SSBP3: variants seen among roughly 807,000 people sequenced by gnomAD.
SSBP3 encodes single stranded DNA binding protein 3.
In SSBP3, 5 loss-of-function variants were observed where a neutral mutation model predicts 69.6. That is an observed-to-expected ratio of 0.07 (90% CI 0.04 to 0.15). SSBP3 has a LOEUF of 0.15. Ranked by LOEUF, SSBP3 falls within the 10% of genes least tolerant of loss-of-function variation. The pLI is 1.00. For missense variants in SSBP3, 312 were observed against 534.0 expected (o/e 0.58, Z 4.10); for synonymous variants, 196 against 193.4 (o/e 1.01, Z -0.11).
At chr1:54,227,435 CCT>C (rs561230415) in intron 17 of SSBP3, among the ~76,000 whole-genome samples, 59 of 152,316 alleles carry the variant, frequency 3.9e-4, no homozygotes, top group South Asian at 3.5e-3. Flanking sequence ...TGCTCCTGCC[CCT>C]GTCTGAGTCA....
intron 5 of SSBP3, among the ~76,000 whole-genome samples, chr1:54,260,229 A>T (rs778777067): frequency 6.6e-6 from 1 of 152,260 alleles, no homozygotes; most frequent in Non-Finnish European, 1.5e-5. Flanking sequence ...GGAAGGTTCA[A>T]GGGTAAGGTC....
rs192929467 is a variant in SSBP3, at chr1:54,243,955, C to T, written c.652-656G>A. On this transcript the variant is annotated intron_variant, in intron 9 of 17. Transcript: ENST00000610401. ...TTTTTTGTTTTGTTTGTTGAGATAGCGTCTTGCTCTGTTGCCTAGGCTAGA... is the reference window on the plus strand; with the variant it reads ...TTTTTTGTTTTGTTTGTTGAGATAGTGTCTTGCTCTGTTGCCTAGGCTAGA... 1.7e-3 allele frequency among the ~76,000 whole-genome samples: 254 copies of T among 152,206 alleles called. 1 individual carries two copies. The highest frequency in any genetic ancestry group is 5.0e-3 in the South Asian group (24 of 4,826).
At chr1:54,340,019 C>G (rs552230921) in intron 4 of SSBP3, among the ~76,000 whole-genome samples, 2 of 151,936 alleles carry the variant, frequency 1.3e-5, no homozygotes, top group Non-Finnish European at 2.9e-5. Flanking sequence ...GGAGCAGGAC[C>G]CCATGCTTCT....
chr1:54,295,760 A>G (rs1350950004), intron 4 of SSBP3, among the ~76,000 whole-genome samples: 1 of 152,166 alleles, frequency 6.6e-6, no homozygotes, highest in Non-Finnish European at 1.5e-5. Context: ...CACAGGGGAC[A>G]CTAGCTGGTC....
chr1:54,369,254 C>T (rs1369693161), intron 4 of SSBP3, among the ~76,000 whole-genome samples: 2 of 114,270 alleles, frequency 1.8e-5, no homozygotes, highest in Non-Finnish European at 3.3e-5. Flanking sequence ...CTGGGAAAGG[C>T]GAGGGTTTGA....
At chr1:54,400,158 G>A (rs538053406) in intron 4 of SSBP3, among the ~76,000 whole-genome samples, 4 of 152,246 alleles carry the variant, frequency 2.6e-5, no homozygotes, top group East Asian at 3.9e-4. Context: ...GATGGAAGAC[G>A]ACACCACAAG....
intron 5 of SSBP3, among the ~76,000 whole-genome samples, chr1:54,265,521 G>A (rs1445324692): frequency 6.6e-6 from 1 of 152,166 alleles, no homozygotes; most frequent in Non-Finnish European, 1.5e-5. Context: ...CGTGGTCCCC[G>A]AGAGCTCACA....
chr1:54,242,117 G>C, intron 11 of SSBP3, 47 bp downstream of exon 11: 1 of 1,607,930 alleles, frequency 6.2e-7, no homozygotes, highest in Non-Finnish European at 8.5e-7. Flanking sequence ...CCTGCACCCA[G>C]AACCGCTCCC....
chr1:54,336,082 A>C (rs1646502447), intron 4 of SSBP3, among the ~76,000 whole-genome samples: 1 of 152,220 alleles, frequency 6.6e-6, no homozygotes, highest in Non-Finnish European at 1.5e-5. Context: ...AAAGAAGGGA[A>C]TAAACAGAAC....
intron 14 of SSBP3, among the ~76,000 whole-genome samples, chr1:54,233,620 C>T (rs1300784540): frequency 9.8e-5 from 14 of 142,450 alleles, no homozygotes; most frequent in South Asian, 4.5e-4. Context: ...CCAGCCGCCC[C>T]GTCCGGGAGG....
chr1:54,341,737 G>A (rs1286257562), intron 4 of SSBP3, among the ~76,000 whole-genome samples: 1 of 151,836 alleles, frequency 6.6e-6, no homozygotes, highest in East Asian at 1.9e-4. Context: ...AGTCCTGGGA[G>A]CCAAGTGGGT....
chr1:54,277,399 T>C (rs1262107534), intron 5 of SSBP3, among the ~76,000 whole-genome samples: 1 of 152,200 alleles, frequency 6.6e-6, no homozygotes, highest in Admixed American at 6.5e-5. Flanking sequence ...TTTTATCTAA[T>C]TCTCTACTCT....
intron 4 of SSBP3, among the ~76,000 whole-genome samples, chr1:54,351,263 TTTC>T (rs1457638752): frequency 6.6e-6 from 1 of 152,206 alleles, no homozygotes; most frequent in African/African-American, 2.4e-5. Context: ...GGTGGGTGAC[TTTC>T]TTTTCTTCCT....
intron 16 of SSBP3, 22 bp downstream of exon 16, chr1:54,228,427 G>C: frequency 6.2e-7 from 1 of 1,614,204 alleles, no homozygotes; most frequent in Non-Finnish European, 8.5e-7. Context: ...GGCGCCGCCA[G>C]GGAGACCGAG....
intron 4 of SSBP3, among the ~76,000 whole-genome samples, chr1:54,382,480 C>T (rs371737597): frequency 1.4e-4 from 21 of 152,212 alleles, no homozygotes; most frequent in South Asian, 1.2e-3. Flanking sequence ...CGTAGCCAAA[C>T]GGCAGAGGCA....
chr1:54,278,790 C>T (rs1322123724), intron 5 of SSBP3, among the ~76,000 whole-genome samples: 6 of 152,254 alleles, frequency 3.9e-5, no homozygotes, highest in Non-Finnish European at 1.5e-5. Flanking sequence ...CAGGCCTTGG[C>T]CAAGCAGGGG....
Position 54,252,827 on chromosome 1 carries a change from C to T in SSBP3, c.508-967G>A, listed in dbSNP as rs1192238238. ...GGGCTTTATAAATATGAGCTTTTGC[C>T]TTCGAGAGGAAAAGCCTTTTGGCTG... On this transcript the variant is annotated intron_variant, in intron 7 of 17. Coordinates refer to ENST00000610401, the Ensembl canonical transcript of SSBP3. Among the ~76,000 whole-genome samples, 6 of 152,216 alleles carry T rather than the reference C, an allele frequency of 3.9e-5. No homozygotes were observed. In the East Asian group the frequency reaches 7.7e-4, roughly 20 times the overall value.
chr1:54,286,381 G>A (rs894235317), intron 4 of SSBP3: 4 of 152,196 alleles, frequency 2.6e-5, no homozygotes, highest in Admixed American at 2.0e-4. Flanking sequence ...TTCCAGCCAG[G>A]TGCCTCCTCT....
chr1:54,303,992 C>T (rs1038188115), intron 4 of SSBP3, among the ~76,000 whole-genome samples: 5 of 152,326 alleles, frequency 3.3e-5, no homozygotes, highest in East Asian at 1.9e-4. Context: ...ACTGCCTCCA[C>T]GTGTTTGCAG....
Sources: allele counts gnomAD v4.1 joint callset (sites outside exome capture counted in the v4.1 genomes callset), GRCh38; gene constraint gnomAD v4.1.1; transcripts MANE v1.5; gene names NCBI Gene and HGNC (gene_info 2026-07-23, HGNC 2026-07-21).